TTC21B: variants seen among roughly 807,000 people sequenced by gnomAD.
The protein encoded by TTC21B is tetratricopeptide repeat domain 21B.
TTC21B carries 127 observed loss-of-function variants against 175.1 expected under a neutral mutation model. The observed-to-expected ratio is 0.73, with a 90% CI of 0.63 to 0.84. TTC21B has a LOEUF of 0.84. Among genes scored for constraint, TTC21B ranks in the 40% least tolerant of loss-of-function variants. TTC21B has a pLI of 0.00. For missense variants in TTC21B, 1,561 were observed against 1,558.3 expected, an observed-to-expected ratio of 1.00 and a Z score of -0.03; for synonymous variants, 524 against 524.5, an observed-to-expected ratio of 1.00 and a Z score of 0.01.
intron 26 of TTC21B, among the ~76,000 whole-genome samples, chr2:165,882,930 A>C (rs957030336): frequency 6.6e-6 from 1 of 152,108 alleles, no homozygotes; most frequent in African/African-American, 2.4e-5. Context: ...TTTAACATAA[A>C]ATTTATGTAG....
At chr2:165,899,946 T>G in intron 20 of TTC21B, 66 bp from the exon 21 acceptor site, 1 of 908,668 alleles carries the variant, frequency 1.1e-6, no homozygotes. Context: ...GGAAAATACG[T>G]GGGTACAGAT....
chr2:165,921,296 G>A (rs1278973840), intron 12 of TTC21B, among the ~76,000 whole-genome samples: 1 of 151,986 alleles, frequency 6.6e-6, no homozygotes, highest in Non-Finnish European at 1.5e-5. Context: ...AAAAGCTAGG[G>A]ACACCAAACC....
rs3749031 is a variant in TTC21B at position 165,883,813 on chromosome 2, C to G, written c.3665G>C (p.Arg1222Pro). ...ACCTACTCTATTATGACGCAGGCACCGTTTTAACAGGTCTTCTGCCATGTC... is the reference window on the plus strand; with the variant it reads ...ACCTACTCTATTATGACGCAGGCACGGTTTTAACAGGTCTTCTGCCATGTC... The part of the protein sequence containing the change: ...KYDMAEDLLK[R>P]CLRHNRSCCK... Residue 1222 changes from arginine (R) to proline (P), a missense_variant, in exon 26 of 29, where the codon CGG becomes CCG. Transcript: ENST00000243344. 6.2e-7 allele frequency: 1 copy of G among 1,613,684 alleles called. No homozygotes were observed.
Position 165,929,698 on chromosome 2 carries a change from C to CTGA in TTC21B, c.1134_1136dup (p.Asp378_Gln379insHis). On this transcript the variant is annotated inframe_insertion, in exon 10 of 29. Transcript: ENST00000243344. ...GGATTTCATTTAAAAATTCTAGCTG[C>CTGA]TGATCTGCATCCTGTAATTGCCCTT... is the stretch of plus-strand genomic sequence containing the variant. 4 of 1,612,818 alleles carry CTGA rather than the reference C, an allele frequency of 2.5e-6. No individual in the cohort carries two copies. Among genetic ancestry groups the CTGA allele is most frequent in the Non-Finnish European group, 3.4e-6 (4 of 1,179,244 alleles).
chr2:165,934,964 C>G (rs543341667), intron 6 of TTC21B, among the ~76,000 whole-genome samples: 5 of 152,190 alleles, frequency 3.3e-5, no homozygotes, highest in Non-Finnish European at 5.9e-5. Context: ...CTAGCCAACA[C>G]TTCCTAGATA....
intron 24 of TTC21B, among the ~76,000 whole-genome samples, chr2:165,890,234 A>C (rs1250515618): frequency 6.6e-6 from 1 of 152,194 alleles, no homozygotes; most frequent in Non-Finnish European, 1.5e-5. Flanking sequence ...TTATTTAGGA[A>C]ACCTAAAAGC....
At chr2:165,911,665 TATA>T (rs749944768) in intron 17 of TTC21B, among the ~76,000 whole-genome samples, 200 bp from the exon 18 acceptor site, 13 of 116,844 alleles carry the variant, frequency 1.1e-4, no homozygotes, top group South Asian at 5.9e-4. Flanking sequence ...AATATATATA[TATA>T]TTTTTTTTTT....
intron 27 of TTC21B, 117 bp downstream of exon 27, chr2:165,880,562 C>T (rs967466705): frequency 2.8e-6 from 3 of 1,072,264 alleles, no homozygotes; most frequent in Non-Finnish European, 4.2e-6. Flanking sequence ...GAAAGGTTGA[C>T]AATGAAAATT....
chr2:165,884,331 T>C (rs1684938005), intron 25 of TTC21B, among the ~76,000 whole-genome samples: 1 of 152,222 alleles, frequency 6.6e-6, no homozygotes, highest in Non-Finnish European at 1.5e-5. Flanking sequence ...GTTTTAGTTT[T>C]GTATAGAAAC....
chr2:165,923,827 T>G (rs1024064583), intron 12 of TTC21B, among the ~76,000 whole-genome samples: 2 of 148,458 alleles, frequency 1.3e-5, no homozygotes, highest in African/African-American at 4.9e-5. Context: ...CCTGGCTCAA[T>G]GCAGCCTCAA....
intron 7 of TTC21B, 75 bp downstream of exon 7, chr2:165,932,898 T>A: frequency 7.8e-7 from 1 of 1,277,494 alleles, no homozygotes; most frequent in Non-Finnish European, 1.1e-6. Flanking sequence ...TATATGCACA[T>A]GCACACATGG....
chr2:165,926,444 T>A (rs1021623540), intron 11 of TTC21B, among the ~76,000 whole-genome samples: 1 of 152,178 alleles, frequency 6.6e-6, no homozygotes, highest in Non-Finnish European at 1.5e-5. Context: ...TCCTGTGGGA[T>A]GACCTCATCT....
rs963678171 is a variant in TTC21B at position 165,930,951 on chromosome 2, C to T, written c.895-587G>A. On this transcript the variant is annotated intron_variant, in intron 8 of 28. Coordinates refer to ENST00000243344, the MANE Select transcript of TTC21B (RefSeq NM_024753.5). ...GTACATAATTTTTCAAGACAACAAA[C>T]TTTAAGAGTAAAATATTTATTCAAA... 2.6e-5 allele frequency among the ~76,000 whole-genome samples: 4 copies of T among 151,966 alleles called. No homozygotes were observed. In the East Asian group the frequency reaches 5.8e-4, roughly 22 times the overall value.
At chr2:165,950,841 C>T (rs904231169) in intron 1 of TTC21B, among the ~76,000 whole-genome samples, 4 of 152,170 alleles carry the variant, frequency 2.6e-5, no homozygotes, top group Non-Finnish European at 4.4e-5. Flanking sequence ...CTCTTGACTT[C>T]AAGTGATCCA....
chr2:165,953,546 A>G (rs1344640556), intron 1 of TTC21B, 139 bp downstream of exon 1: 1 of 1,437,988 alleles, frequency 7.0e-7, no homozygotes, highest in Non-Finnish European at 9.4e-7. Flanking sequence ...CCCACCCCGC[A>G]ACCCGAGCAG....
chr2:165,935,639 T>C (rs1400074491), intron 6 of TTC21B, among the ~76,000 whole-genome samples: 2 of 152,146 alleles, frequency 1.3e-5, no homozygotes, highest in South Asian at 2.1e-4. Flanking sequence ...GGTTAATATA[T>C]AATATCAATT....
chr2:165,911,610 A>C, intron 17 of TTC21B, 145 bp from the exon 18 acceptor site: 1 of 822,212 alleles, frequency 1.2e-6, no homozygotes, highest in Non-Finnish European at 2.0e-6. Context: ...CTGTCAATTA[A>C]GTATGTCATA....
At chr2:165,937,794 C>T (rs955952508) in intron 6 of TTC21B, among the ~76,000 whole-genome samples, 29 of 145,574 alleles carry the variant, frequency 2.0e-4, no homozygotes, top group African/African-American at 7.6e-4. Context: ...CACACACACA[C>T]ACACACACAC....
intron 6 of TTC21B, among the ~76,000 whole-genome samples, chr2:165,937,527 G>A (rs1392824914): frequency 6.6e-6 from 1 of 152,014 alleles, no homozygotes; most frequent in African/African-American, 2.4e-5. Context: ...GCCTATCTAT[G>A]TGTGGAGGCA....
Sources: gnomAD v4.1 joint callset for allele counts (sites outside exome capture counted in the v4.1 genomes callset) on GRCh38, gnomAD v4.1.1 for gene constraint, MANE v1.5 for transcripts, NCBI Gene and HGNC (gene_info 2026-07-23, HGNC 2026-07-21) for gene names.